Variants in NRG2 observed in about 807,000 individuals in gnomAD.
NRG2 encodes neuregulin 2, also known as pro-neuregulin-2, membrane-bound isoform.
A neutral mutation model predicts 73.9 loss-of-function variants in NRG2; 27 were observed. The ratio of observed to expected loss-of-function variants is 0.37; its 90% CI spans 0.27 to 0.50. NRG2 has a LOEUF of 0.50. NRG2 is among the 20% of genes least tolerant of loss of function. The pLI, the probability that NRG2 is intolerant of heterozygous loss-of-function variation, is 0.96. For missense variants in NRG2, 1,126 were observed against 1,210.1 expected (o/e 0.93, Z 1.03); for synonymous variants, 532 against 541.0 (o/e 0.98, Z 0.23).
At chr5:139,886,396 G>A (rs1057500053) in intron 2 of NRG2, among the ~76,000 whole-genome samples, 2 of 152,140 alleles carry the variant, frequency 1.3e-5, no homozygotes, top group African/African-American at 4.8e-5. Context: ...TGGGCAGGCT[G>A]GTGTGCTCTA....
intron 1 of NRG2, among the ~76,000 whole-genome samples, chr5:139,996,353 A>G (rs577254066): frequency 6.6e-6 from 1 of 152,334 alleles, no homozygotes; most frequent in South Asian, 2.1e-4. Flanking sequence ...AATACGGGAG[A>G]CCACAGTCTA....
intron 1 of NRG2, among the ~76,000 whole-genome samples, chr5:139,965,065 GC>G (rs797011840): frequency 3.5e-4 from 54 of 152,326 alleles, no homozygotes; most frequent in Admixed American, 9.1e-4. Context: ...CATCAGCACT[GC>G]CCCAGGGCAA....
At chr5:139,998,735 A>AAAAC (rs770300425) in intron 1 of NRG2, among the ~76,000 whole-genome samples, 1 of 136,732 alleles carries the variant, frequency 7.3e-6, no homozygotes, top group African/African-American at 2.8e-5. Context: ...TAATTGGCTA[A>AAAAC]AAACAAACAA....
chr5:139,980,231 C>A (rs1286100654), intron 1 of NRG2, among the ~76,000 whole-genome samples: 1 of 152,136 alleles, frequency 6.6e-6, no homozygotes, highest in East Asian at 1.9e-4. Context: ...GGTGAGGCAG[C>A]CCAGCTCTCT....
intron 1 of NRG2, among the ~76,000 whole-genome samples, chr5:139,992,801 G>A (rs1025140368): frequency 1.3e-5 from 2 of 152,106 alleles, no homozygotes; most frequent in Non-Finnish European, 2.9e-5. Context: ...TCCCAGCTAT[G>A]AGCCCCTCCT....
At chr5:139,938,850 A>AAGAGAGAGAGAGAG (rs61044289) in intron 1 of NRG2, among the ~76,000 whole-genome samples, 19 of 95,086 alleles carry the variant, frequency 2.0e-4, no homozygotes, top group Non-Finnish European at 3.0e-4. Flanking sequence ...ACAGAAAGGG[A>AAGAGAGAGAGAGAG]AGAGAGAGAG....
intron 1 of NRG2, among the ~76,000 whole-genome samples, chr5:139,909,289 A>C (rs933042372): frequency 6.6e-6 from 1 of 152,192 alleles, no homozygotes; most frequent in African/African-American, 2.4e-5. Context: ...CATGTGCAAA[A>C]ATGCCTTTCA....
At chr5:139,858,202 C>A (rs1761924505) in intron 5 of NRG2, among the ~76,000 whole-genome samples, 1 of 152,232 alleles carries the variant, frequency 6.6e-6, no homozygotes, top group Admixed American at 6.5e-5. Context: ...GTGGTCCTCT[C>A]CCTGCGTTCA....
intron 1 of NRG2, among the ~76,000 whole-genome samples, chr5:139,939,521 C>T (rs772445082): frequency 2.0e-5 from 3 of 152,034 alleles, no homozygotes; most frequent in Admixed American, 2.0e-4. Flanking sequence ...GTGATCTGCC[C>T]GCCTTGGCCT....
intron 1 of NRG2, among the ~76,000 whole-genome samples, chr5:140,029,683 GTC>G (rs1760979411): frequency 5.4e-5 from 4 of 74,764 alleles, no homozygotes; most frequent in South Asian, 3.4e-4. Flanking sequence ...GCAAGACTCT[GTC>G]TCAAAAAAAA....
chr5:139,875,123 T>C (rs6891342), intron 3 of NRG2, among the ~76,000 whole-genome samples: 12,046 of 152,258 alleles, frequency 0.079, 1,282 homozygotes, highest in African/African-American at 0.25. Context: ...GCAATTCTCC[T>C]GCCTCAGCCT....
chr5:139,920,907 G>A (rs1751610076), intron 1 of NRG2, among the ~76,000 whole-genome samples: 1 of 152,180 alleles, frequency 6.6e-6, no homozygotes, highest in Admixed American at 6.5e-5. Flanking sequence ...CAAGGCTGTA[G>A]GATACAAGGT....
chr5:139,848,297 G>A lies in NRG2; in HGVS notation c.2173C>T (p.Pro725Ser), dbSNP rs1219866180. Residue 725 changes from proline (P) to serine (S), a missense_variant, in exon 10 of 10, where the codon CCG becomes TCG. Around this residue, in one of 3 missense-constraint regions of NRG2, gnomAD observed 402 missense variants for 357.8 expected, o/e 1.12. Coordinates refer to ENST00000361474, the MANE Select transcript of NRG2 (RefSeq NM_004883.3). ...TTQECAPPPP[P>S]RPRARGASRR... is the part of the protein sequence containing the mutation. ...GACGCACCGCGCGCGCGCGGCCGCG[G>A]CGGCGGCGGGGGCGCGCACTCCTGC... 1.0e-5 allele frequency: 12 copies of A among 1,152,976 alleles called. No individual in the cohort carries two copies. Among genetic ancestry groups the A allele is most frequent in the Middle Eastern group, 7.1e-4 (2 of 2,816 alleles). The allele number at this position is 1,152,976 out of a possible 1,614,324, so 71.4% of individuals were successfully genotyped here. A position where few individuals can be genotyped will look rare whatever the true frequency, so the allele number is the denominator to read the frequency against.
At chr5:139,860,758 C>T (rs952115445) in intron 5 of NRG2, among the ~76,000 whole-genome samples, 2 of 152,118 alleles carry the variant, frequency 1.3e-5, no homozygotes, top group East Asian at 3.8e-4. Flanking sequence ...GACCCTGTGA[C>T]GGAGACCCCC....
chr5:139,952,253 A>C (rs1050565311), intron 1 of NRG2, among the ~76,000 whole-genome samples: 1 of 152,192 alleles, frequency 6.6e-6, no homozygotes, highest in African/African-American at 2.4e-5. Context: ...ATGGGGAAAC[A>C]AATTTGGCAG....
chr5:139,895,821 T>C (rs974726434), intron 1 of NRG2, among the ~76,000 whole-genome samples: 1 of 152,166 alleles, frequency 6.6e-6, no homozygotes, highest in Non-Finnish European at 1.5e-5. Context: ...CTGTTACCAT[T>C]TACCCAAACT....
intron 1 of NRG2, among the ~76,000 whole-genome samples, chr5:140,006,645 T>G (rs1758925067): frequency 6.6e-6 from 1 of 152,204 alleles, no homozygotes; most frequent in Non-Finnish European, 1.5e-5. Flanking sequence ...TTGCCGTGTA[T>G]TAAGATATGA....
chr5:140,001,864 A>G (rs998978764), intron 1 of NRG2, among the ~76,000 whole-genome samples: 1 of 152,110 alleles, frequency 6.6e-6, no homozygotes. Context: ...CCCTGTCTCT[A>G]AAATAAGTAA....
chr5:139,908,627 C>T (rs562978954), intron 1 of NRG2, among the ~76,000 whole-genome samples: 23 of 152,116 alleles, frequency 1.5e-4, no homozygotes, highest in Non-Finnish European at 2.9e-4. Flanking sequence ...GGTTAGGAAC[C>T]CTTGCAGTTG....
Sources: gnomAD v4.1 joint callset for allele counts (sites outside exome capture counted in the v4.1 genomes callset) on GRCh38, gnomAD v4.1.1 for gene constraint, gnomAD v4.1.1 regional missense constraint, MANE v1.5 for transcripts, NCBI Gene and HGNC (gene_info 2026-07-23, HGNC 2026-07-21) for gene names.